The following CFHR3 variants were observed in gnomAD, a reference collection of about 807,000 sequenced individuals.
The protein encoded by CFHR3 is complement factor H related 3.
A neutral mutation model predicts 36.0 loss-of-function variants in CFHR3; 22 were observed. The ratio of observed to expected loss-of-function variants is 0.61; its 90% CI spans 0.44 to 0.87. The LOEUF (loss-of-function observed/expected upper bound fraction) is 0.87, where lower values mean the gene tolerates loss of function less well. Among genes scored for constraint, CFHR3 ranks in the 40% least tolerant of loss-of-function variants. The pLI is 0.00. For synonymous variants in CFHR3, 97 were observed against 137.4 expected (o/e 0.71, Z 2.06); for missense variants, 276 against 401.3 (o/e 0.69, Z 2.67).
rs555776662 is a variant in CFHR3 at position 196,783,142 on chromosome 1, C to T, written c.430+3169C>T. Among the ~76,000 whole-genome samples, 8 of 136,260 alleles carry T rather than the reference C, an allele frequency of 5.9e-5. 1 individual carries two copies. The highest frequency in any genetic ancestry group is 5.2e-4 in the South Asian group (2 of 3,882). 89.4% of individuals were successfully genotyped at this position (136,260 alleles called of 152,430 possible). The stretch of plus-strand genomic sequence containing the variant: ...GTATATTGAACTAGCCTTGCATCCC[C>T]GGGATGAAGACCACTTGATCATGGT... On this transcript the variant is annotated intron_variant, in intron 3 of 5. Transcript: ENST00000367425.
chr1:196,781,314 C>A (rs1203591163), intron 3 of CFHR3, among the ~76,000 whole-genome samples: 7 of 135,438 alleles, frequency 5.2e-5, no homozygotes, highest in African/African-American at 2.2e-4. Context: ...TGGGTATATA[C>A]CCATTAATGG....
intron 3 of CFHR3, among the ~76,000 whole-genome samples, chr1:196,780,265 G>A (rs1310769721): frequency 7.3e-6 from 1 of 137,080 alleles, no homozygotes; most frequent in Non-Finnish European, 1.5e-5. Context: ...AATGTCTCGG[G>A]TAAATACCCG....
intron 1 of CFHR3, among the ~76,000 whole-genome samples, 183 bp from the exon 2 acceptor site, chr1:196,778,979 G>C (rs1653838386): frequency 7.3e-6 from 1 of 136,378 alleles, no homozygotes; most frequent in South Asian, 2.5e-4. Context: ...CCAGATGAAG[G>C]GTTATTAATT....
intron 1 of CFHR3, among the ~76,000 whole-genome samples, chr1:196,776,804 T>C (rs2124837413): frequency 7.7e-6 from 1 of 130,344 alleles, no homozygotes; most frequent in East Asian, 2.0e-4. Flanking sequence ...ATATTAATAA[T>C]TAAAAATAAC....
At position 196,778,181 on chromosome 1, in the gene CFHR3, G is replaced by C. The variant is rs575908712; in HGVS notation, c.59-981G>C. Among the ~76,000 whole-genome samples the C allele has an allele frequency of 1.3e-4, 18 of 134,710 alleles. 4 individuals carry two copies. In the South Asian group the frequency reaches 4.7e-3, roughly 35 times the overall value. 88.4% of individuals were successfully genotyped at this position (134,710 alleles called of 152,430 possible). A position where few individuals can be genotyped will look rare whatever the true frequency, so the allele number is the denominator to read the frequency against. ...CAGAAAACTGTGCATCCATGCTTGAGGGACTGGGTCAGAGAAGCTGTCATG... is the reference window on the plus strand; with the variant it reads ...CAGAAAACTGTGCATCCATGCTTGACGGACTGGGTCAGAGAAGCTGTCATG... On this transcript the variant is annotated intron_variant, in intron 1 of 5. Coordinates refer to ENST00000367425, the MANE Select transcript of CFHR3 (RefSeq NM_021023.6).
chr1:196,791,855 G>A lies in CFHR3; in HGVS notation c.797-1462G>A, dbSNP rs1297077609. ...GAGGAGATGGACACTCCTAAGATGG[G>A]TTTCACAGCAAAAGCATTACCTCTT... On this transcript the variant is annotated intron_variant, in intron 5 of 5. Coordinates refer to ENST00000367425, the MANE Select transcript of CFHR3 (RefSeq NM_021023.6). Among the ~76,000 whole-genome samples the A allele has an allele frequency of 2.9e-5, 4 of 136,314 alleles. 1 individual carries two copies. The highest frequency in any genetic ancestry group is 1.2e-4 in the African/African-American group (4 of 32,412). The allele number at this position is 136,314 out of a possible 152,430, so 89.4% of individuals were successfully genotyped here. A position where few individuals can be genotyped will look rare whatever the true frequency, so the allele number is the denominator to read the frequency against.
rs560303962 is a variant in CFHR3, at chr1:196,775,500, T to C, written c.58+556T>C. On this transcript the variant is annotated intron_variant, in intron 1 of 5. Transcript: ENST00000367425. Reference sequence around the variant, plus strand: ...CAAAATTAGCAACATACATATATAATGAAAAAATAGAATATAAACTTACAT... The same window carrying C: ...CAAAATTAGCAACATACATATATAACGAAAAAATAGAATATAAACTTACAT... 1.5e-5 allele frequency among the ~76,000 whole-genome samples: 2 copies of C among 137,430 alleles called. 1 individual carries two copies. Among genetic ancestry groups the C allele is most frequent in the South Asian group, 5.0e-4 (2 of 3,998 alleles). 90.2% of individuals were successfully genotyped at this position (137,430 alleles called of 152,430 possible). A position where few individuals can be genotyped will look rare whatever the true frequency, so the allele number is the denominator to read the frequency against.
At chr1:196,779,996 C>A in intron 3 of CFHR3, 23 bp downstream of exon 3, 1 of 1,531,004 alleles carries the variant, frequency 6.5e-7, no homozygotes, top group Non-Finnish European at 8.8e-7. Context: ...CTCTGAGATC[C>A]CAGCATGTTC....
intron 3 of CFHR3, among the ~76,000 whole-genome samples, chr1:196,781,905 AG>A (rs1412955522): frequency 7.3e-6 from 1 of 136,692 alleles, no homozygotes; most frequent in Non-Finnish European, 1.5e-5. Context: ...GGTAATGCCT[AG>A]GTTTTCTTTT....
intron 1 of CFHR3, among the ~76,000 whole-genome samples, chr1:196,776,547 G>T (rs1653728186): frequency 7.3e-6 from 1 of 136,258 alleles, no homozygotes; most frequent in Non-Finnish European, 1.6e-5. Context: ...AATATAACTG[G>T]TGTCCATATA....
chr1:196,789,197 A>G (rs1654325690), intron 4 of CFHR3: 2 of 910,968 alleles, frequency 2.2e-6, no homozygotes, highest in Non-Finnish European at 2.6e-6. Flanking sequence ...TCCCAAATCC[A>G]CTTCATTTTC....
At chr1:196,785,812 C>CA (rs1373234075) in intron 3 of CFHR3, among the ~76,000 whole-genome samples, 1 of 137,456 alleles carries the variant, frequency 7.3e-6, no homozygotes, top group East Asian at 2.0e-4. Context: ...TCGTCAAAGT[C>CA]ATTCTCCGTC....
intron 3 of CFHR3, among the ~76,000 whole-genome samples, chr1:196,780,782 G>A (rs1653915448): frequency 2.2e-5 from 3 of 134,024 alleles, no homozygotes; most frequent in Admixed American, 2.1e-4. Context: ...CATGATGAAT[G>A]TTTTTTGGTT....
At chr1:196,776,399 T>C (rs1222194385) in intron 1 of CFHR3, among the ~76,000 whole-genome samples, 1 of 137,618 alleles carries the variant, frequency 7.3e-6, no homozygotes, top group African/African-American at 3.0e-5. Context: ...TTCAGTAGCA[T>C]TGGCTCAACT....
At position 196,794,651 on chromosome 1, in the gene CFHR3, ACT is replaced by A. The variant is rs1207746703; in HGVS notation, c.*1143_*1144del. On this transcript the variant is annotated 3_prime_UTR_variant, in exon 6 of 6. Transcript: ENST00000367425. ...GTCTTTTCTCCTGTTAATTGCCTTC[ACT>A]CTCTTTCTGTTCTGTACTTTTCTTT... is the stretch of plus-strand genomic sequence containing the variant. The A allele has an allele frequency of 5.2e-6, 2 of 381,070 alleles. No homozygotes were observed. Among genetic ancestry groups the A allele is most frequent in the Non-Finnish European group, 1.0e-5 (2 of 197,234 alleles). 23.6% of individuals were successfully genotyped at this position (381,070 alleles called of 1,614,324 possible). A position where few individuals can be genotyped will look rare whatever the true frequency, so the allele number is the denominator to read the frequency against.
chr1:196,785,293 C>A (rs1654149292), intron 3 of CFHR3, among the ~76,000 whole-genome samples: 1 of 134,214 alleles, frequency 7.5e-6, no homozygotes, highest in Admixed American at 7.2e-5. Context: ...TGGAGTTGCT[C>A]TTCTCTAGGA....
At chr1:196,778,164 T>C (rs1011270076) in intron 1 of CFHR3, among the ~76,000 whole-genome samples, 1 of 135,024 alleles carries the variant, frequency 7.4e-6, no homozygotes, top group Non-Finnish European at 1.6e-5. Flanking sequence ...AGCAGAAAAC[T>C]GTGCATCCAT....
Position 196,783,143 on chromosome 1 carries a change from G to A in CFHR3, c.430+3170G>A, listed in dbSNP as rs983591925. Among the ~76,000 whole-genome samples, 7 of 136,236 alleles carry A rather than the reference G, an allele frequency of 5.1e-5. 1 individual carries two copies. Among genetic ancestry groups the A allele is most frequent in the Non-Finnish European group, 9.3e-5 (6 of 64,484 alleles). 89.4% of individuals were successfully genotyped at this position (136,236 alleles called of 152,430 possible). A position where few individuals can be genotyped will look rare whatever the true frequency, so the allele number is the denominator to read the frequency against. On this transcript the variant is annotated intron_variant, in intron 3 of 5. Transcript: ENST00000367425. ...TATATTGAACTAGCCTTGCATCCCCGGGATGAAGACCACTTGATCATGGTG... is the reference window on the plus strand; with the variant it reads ...TATATTGAACTAGCCTTGCATCCCCAGGATGAAGACCACTTGATCATGGTG...
rs533287593 is a variant in CFHR3 at position 196,788,598 on chromosome 1, T to C, written c.613+200T>C. ...GCTACTTGGGAAGATGATCATTTCA[T>C]CTCTTACAACTCAATCTGCCTTTAC... On this transcript the variant is annotated intron_variant, in intron 4 of 5. Coordinates refer to ENST00000367425, the MANE Select transcript of CFHR3 (RefSeq NM_021023.6). 2,218 of 1,225,288 alleles carry C rather than the reference T, an allele frequency of 1.8e-3. 242 individuals are homozygous for C. The highest frequency in any genetic ancestry group is 2.5e-4 in the Non-Finnish European group (221 of 900,350). The allele number at this position is 1,225,288 out of a possible 1,614,324, so 75.9% of individuals were successfully genotyped here. A position where few individuals can be genotyped will look rare whatever the true frequency, so the allele number is the denominator to read the frequency against.
Sources: gnomAD v4.1 joint callset for allele counts (sites outside exome capture counted in the v4.1 genomes callset) on GRCh38, gnomAD v4.1.1 for gene constraint, MANE v1.5 for transcripts, NCBI Gene and HGNC (gene_info 2026-07-23, HGNC 2026-07-21) for gene names.